Variants in RFX4 observed in about 807,000 individuals in gnomAD.
RFX4 encodes transcription factor RFX4.
A neutral mutation model predicts 95.0 loss-of-function variants in RFX4; 10 were observed. The observed-to-expected ratio is 0.11, with a 90% CI of 0.06 to 0.18. The LOEUF (loss-of-function observed/expected upper bound fraction) is 0.18, where lower values mean the gene tolerates loss of function less well. Among genes scored for constraint, RFX4 ranks in the 10% least tolerant of loss-of-function variants. RFX4 has a pLI of 1.00. For synonymous variants in RFX4, 321 were observed against 340.7 expected (o/e 0.94, Z 0.64); for missense variants, 640 against 922.0 (o/e 0.69, Z 3.96).
At chr12:106,746,884 T>G (rs2042906591) in intron 15 of RFX4, among the ~76,000 whole-genome samples, 2 of 152,198 alleles carry the variant, frequency 1.3e-5, no homozygotes, top group Admixed American at 1.3e-4. Context: ...CTTCCTATCC[T>G]TCCCTTCCCT....
chr12:106,697,055 C>T (rs1463527217), intron 8 of RFX4, among the ~76,000 whole-genome samples: 1 of 152,104 alleles, frequency 6.6e-6, no homozygotes, highest in Non-Finnish European at 1.5e-5. Flanking sequence ...GATTATCTGG[C>T]CCCCTTCCTG....
intron 3 of RFX4, 142 bp from the exon 4 acceptor site, chr12:106,654,086 T>A: frequency 8.8e-7 from 1 of 1,139,296 alleles, no homozygotes; most frequent in Admixed American, 2.0e-5. Flanking sequence ...GCTTGCTTTG[T>A]CTTCCTGGGC....
At chr12:106,653,895 AAGACCCT>A (rs1310630579) in intron 3 of RFX4, among the ~76,000 whole-genome samples, 1 of 152,212 alleles carries the variant, frequency 6.6e-6, no homozygotes, top group Non-Finnish European at 1.5e-5. Flanking sequence ...GGGCACCCAC[AAGACCCT>A]ATGTAGTTTT....
chr12:106,624,502 T>G (rs2040250948), intron 2 of RFX4, among the ~76,000 whole-genome samples: 1 of 152,014 alleles, frequency 6.6e-6, no homozygotes, highest in Non-Finnish European at 1.5e-5. Context: ...TTTTTGTATT[T>G]TTTTTTAGTA....
At chr12:106,660,241 G>A (rs776834246) in intron 4 of RFX4, among the ~76,000 whole-genome samples, 8 of 151,934 alleles carry the variant, frequency 5.3e-5, no homozygotes, top group South Asian at 2.1e-4. Flanking sequence ...TGCAAAACCA[G>A]ATGGCAAATG....
At position 106,696,737 on chromosome 12, in the gene RFX4, A is replaced by G. The variant is rs528027985; in HGVS notation, c.833+291A>G. ...AACCCAGTCCCTTCCCAGAACATCAAATAGAATCATTTTCTTGGAGTCTGT... is the reference window on the plus strand; with the variant it reads ...AACCCAGTCCCTTCCCAGAACATCAGATAGAATCATTTTCTTGGAGTCTGT... On this transcript the variant is annotated intron_variant, in intron 8 of 17. Coordinates refer to ENST00000392842, the MANE Select transcript of RFX4 (RefSeq NM_213594.3). Among the ~76,000 whole-genome samples, 4 of 152,292 alleles carry G rather than the reference A, an allele frequency of 2.6e-5. No homozygotes were observed. In the South Asian group the frequency reaches 6.2e-4, roughly 24 times the overall value.
chr12:106,705,882 G>A (rs1362950962), intron 8 of RFX4, among the ~76,000 whole-genome samples: 1 of 152,156 alleles, frequency 6.6e-6, no homozygotes, highest in Non-Finnish European at 1.5e-5. Context: ...AGGTACTGAG[G>A]ATACAGTGAT....
intron 4 of RFX4, among the ~76,000 whole-genome samples, chr12:106,668,189 C>T (rs2041214423): frequency 6.6e-6 from 1 of 152,194 alleles, no homozygotes; most frequent in Admixed American, 6.5e-5. Flanking sequence ...CCCTTTCTAG[C>T]AGATGGCTTC....
chr12:106,675,164 T>A (rs898129011), intron 4 of RFX4, among the ~76,000 whole-genome samples: 1 of 152,190 alleles, frequency 6.6e-6, no homozygotes, highest in Non-Finnish European at 1.5e-5. Flanking sequence ...GGCACCGTAG[T>A]TCTGGCCTGT....
At chr12:106,652,266 G>A (rs1001017354) in intron 3 of RFX4, among the ~76,000 whole-genome samples, 3 of 152,134 alleles carry the variant, frequency 2.0e-5, no homozygotes, top group Non-Finnish European at 2.9e-5. Context: ...GTAAATATTT[G>A]TTGAGTTAAA....
intron 15 of RFX4, among the ~76,000 whole-genome samples, chr12:106,736,271 T>C (rs1258402078): frequency 6.6e-6 from 1 of 152,204 alleles, no homozygotes. Context: ...AGCTCCCACA[T>C]AGCCCAGGGC....
chr12:106,728,713 G>A (rs752570772), intron 13 of RFX4, among the ~76,000 whole-genome samples: 12 of 151,976 alleles, frequency 7.9e-5, no homozygotes, highest in South Asian at 4.2e-4. Flanking sequence ...TGTCTTCATC[G>A]ATATTCACTA....
chr12:106,727,486 A>T (rs1010534444), intron 13 of RFX4, among the ~76,000 whole-genome samples: 2 of 152,214 alleles, frequency 1.3e-5, no homozygotes, highest in Admixed American at 1.3e-4. Context: ...CCAATGCCTT[A>T]AGAAAAGAAA....
At chr12:106,589,610 G>A (rs549336724) in intron 1 of RFX4, among the ~76,000 whole-genome samples, 1 of 152,320 alleles carries the variant, frequency 6.6e-6, no homozygotes, top group Admixed American at 6.5e-5. Flanking sequence ...TTGGAGAGCA[G>A]ACTAGGCAAC....
chr12:106,613,188 C>T (rs186415962), intron 2 of RFX4, among the ~76,000 whole-genome samples: 21 of 149,796 alleles, frequency 1.4e-4, no homozygotes, highest in African/African-American at 4.9e-4. Context: ...AGTTTTCCTT[C>T]CTTGAATGCA....
intron 7 of RFX4, among the ~76,000 whole-genome samples, chr12:106,690,993 G>C (rs12302476): frequency 1.3e-3 from 200 of 152,294 alleles, no homozygotes; most frequent in African/African-American, 4.6e-3. Context: ...CTATTGGAGA[G>C]ATAAGTAAAA....
intron 9 of RFX4, among the ~76,000 whole-genome samples, chr12:106,709,759 C>G (rs1157540386): frequency 6.6e-6 from 1 of 152,130 alleles, no homozygotes; most frequent in African/African-American, 2.4e-5. Context: ...CTCATGCTGC[C>G]TCTGCGATGT....
chr12:106,608,181 C>G (rs1255765296), intron 1 of RFX4, among the ~76,000 whole-genome samples: 2 of 152,104 alleles, frequency 1.3e-5, no homozygotes, highest in African/African-American at 4.8e-5. Context: ...AAGAGCAAAA[C>G]TCCGTCTCAA....
intron 17 of RFX4, among the ~76,000 whole-genome samples, chr12:106,757,402 T>C (rs1394497501): frequency 6.6e-6 from 1 of 151,982 alleles, no homozygotes; most frequent in East Asian, 1.9e-4. Flanking sequence ...TTAAAAATTA[T>C]CTGGGAGTGG....
Sources: allele counts gnomAD v4.1 joint callset (sites outside exome capture counted in the v4.1 genomes callset), GRCh38; gene constraint gnomAD v4.1.1; transcripts MANE v1.5; gene names NCBI Gene and HGNC (gene_info 2026-07-23, HGNC 2026-07-21).